The following PAXBP1 variants were observed in gnomAD, a reference collection of about 807,000 sequenced individuals.
The protein encoded by PAXBP1 is PAX3 and PAX7 binding protein 1, also known as PAX3- and PAX7-binding protein 1.
PAXBP1 carries 44 observed loss-of-function variants against 119.9 expected under a neutral mutation model. The observed-to-expected ratio is 0.37, with a 90% CI of 0.29 to 0.47. PAXBP1 has a LOEUF of 0.47. Ranked by LOEUF, PAXBP1 falls within the 20% of genes least tolerant of loss-of-function variation. The pLI is 0.99. For synonymous variants in PAXBP1, 393 were observed against 406.6 expected, an observed-to-expected ratio of 0.97 and a Z score of 0.40; for missense variants, 898 against 1,134.1, an observed-to-expected ratio of 0.79 and a Z score of 2.99.
chr21:32,771,067 C>A (rs1445646758), intron 1 of PAXBP1, among the ~76,000 whole-genome samples: 1 of 152,230 alleles, frequency 6.6e-6, no homozygotes, highest in South Asian at 2.1e-4. Flanking sequence ...CCGAATTTCC[C>A]CTGAAACACT....
At chr21:32,735,518 C>A (rs1411322359) in intron 17 of PAXBP1, among the ~76,000 whole-genome samples, 2 of 152,236 alleles carry the variant, frequency 1.3e-5, no homozygotes, top group Admixed American at 1.3e-4. Flanking sequence ...TTCCACTCCA[C>A]CAAAATTCAC....
intron 1 of PAXBP1, among the ~76,000 whole-genome samples, chr21:32,770,421 T>TA (rs200584549): frequency 9.4e-4 from 142 of 151,276 alleles, no homozygotes; most frequent in East Asian, 4.4e-3. Flanking sequence ...ACTAAATACT[T>TA]AAAAAAAAAT....
chr21:32,757,016 T>G (rs1445307419), intron 7 of PAXBP1, among the ~76,000 whole-genome samples: 1 of 152,104 alleles, frequency 6.6e-6, no homozygotes, highest in Non-Finnish European at 1.5e-5. Flanking sequence ...TCACCAATTA[T>G]TACTATTTTA....
In PAXBP1 at chr21:32,734,853, A is replaced by C; in HGVS notation, c.*97T>G. 1.2e-6 allele frequency: 1 copy of C among 851,678 alleles called. No homozygotes were observed. 52.8% of individuals were successfully genotyped at this position (851,678 alleles called of 1,614,324 possible). A position where few individuals can be genotyped will look rare whatever the true frequency, so the allele number is the denominator to read the frequency against. On this transcript the variant is annotated 3_prime_UTR_variant, in exon 18 of 18. Coordinates refer to ENST00000331923, the MANE Select transcript of PAXBP1 (RefSeq NM_016631.4). ...ATATAATGTTTTTTGTATTAAAACA[A>C]GAATTGCTATTTTACAGTTTAAGAA...
chr21:32,766,899 A>AG (rs1361165057), intron 2 of PAXBP1, among the ~76,000 whole-genome samples: 2 of 152,146 alleles, frequency 1.3e-5, no homozygotes, highest in African/African-American at 4.8e-5. Flanking sequence ...TTCTTGTACT[A>AG]GTTCACACAA....
At position 32,762,241 on chromosome 21, in the gene PAXBP1, A is replaced by G. The variant is rs748917046; in HGVS notation, c.726T>C (p.Thr242=). 59 of 1,614,014 alleles carry G rather than the reference A, an allele frequency of 3.7e-5. No individual in the cohort carries two copies. The highest frequency in any genetic ancestry group is 4.7e-5 in the Non-Finnish European group (55 of 1,180,036). The part of the protein sequence containing the change: ...RQMARELGDF[T]PHDNEPGKGR... ...CTTTACCAGGCTCATTATCATGAGGAGTGAAATCTCCCAATTCTCGGGCCA... is the reference window on the plus strand; with the variant it reads ...CTTTACCAGGCTCATTATCATGAGGGGTGAAATCTCCCAATTCTCGGGCCA... Residue 242 remains threonine, a synonymous_variant, in exon 4 of 18, where the codon ACT becomes ACC. Transcript: ENST00000331923.
chr21:32,750,870 T>C (rs928522841), intron 10 of PAXBP1, 47 bp downstream of exon 10: 7 of 1,403,358 alleles, frequency 5.0e-6, no homozygotes, highest in Non-Finnish European at 7.0e-6. Flanking sequence ...CATACCCAAG[T>C]AGAAACTAAA....
chr21:32,739,937 TTAAAAAA>T (rs370569127), intron 15 of PAXBP1, among the ~76,000 whole-genome samples: 8,840 of 62,606 alleles, frequency 0.14, 483 homozygotes, highest in South Asian at 0.24. Context: ...CCTCGTCTCT[TTAAAAAA>T]AAAAAAAAAA....
In PAXBP1 at chr21:32,739,011, T is replaced by C. The variant is rs549751072; in HGVS notation, c.2335-692A>G. Among the ~76,000 whole-genome samples the C allele has an allele frequency of 1.9e-4, 29 of 152,262 alleles. 1 individual carries two copies. Among genetic ancestry groups the C allele is most frequent in the African/African-American group, 6.7e-4 (28 of 41,556 alleles). On this transcript the variant is annotated intron_variant, in intron 15 of 17. Transcript: ENST00000331923. ...CCATTTCCCTCAGTTCCTGCTGCCA[T>C]CCTCCGAATCTGACCCACCTTAATC...
intron 15 of PAXBP1, 134 bp from the exon 16 acceptor site, chr21:32,738,453 CA>C (rs1379517257): frequency 3.9e-5 from 27 of 688,192 alleles, no homozygotes; most frequent in Non-Finnish European, 5.4e-5. Flanking sequence ...TTAATACTTT[CA>C]AAGGTACAGA....
intron 7 of PAXBP1, among the ~76,000 whole-genome samples, chr21:32,758,644 TAAAAAAAAA>T (rs138934420): frequency 9.6e-6 from 1 of 104,108 alleles, no homozygotes; most frequent in Non-Finnish European, 2.0e-5. Flanking sequence ...TCATCCAGGG[TAAAAAAAAA>T]AAAAAAAAAA....
At chr21:32,735,533 T>TA (rs1225292533) in intron 17 of PAXBP1, among the ~76,000 whole-genome samples, 1 of 152,216 alleles carries the variant, frequency 6.6e-6, no homozygotes, top group African/African-American at 2.4e-5. Context: ...ATTCACTAAA[T>TA]AAAGTATAAT....
In PAXBP1 at chr21:32,771,605, C is replaced by T. The variant is rs933227874; in HGVS notation, c.64G>A (p.Glu22Lys). 6 of 1,467,086 alleles carry T rather than the reference C, an allele frequency of 4.1e-6. No homozygotes were observed. Among genetic ancestry groups the T allele is most frequent in the Admixed American group, 2.5e-5 (1 of 40,500 alleles). The allele number at this position is 1,467,086 out of a possible 1,614,324, so 90.9% of individuals were successfully genotyped here. A position where few individuals can be genotyped will look rare whatever the true frequency, so the allele number is the denominator to read the frequency against. ...GGCGGCTCCTGCTCCTCATCGCGTT[C>T]CCGCTCTTCCTCTTCGGAGTCGTTC... ...KRNDSEEEER[E>K]RDEEQEPPPL... The change falls in exon 1 of 18, where the codon GAA becomes AAA. Residue 22 changes from glutamate (E) to lysine (K), a missense_variant. Glu to Lys is a moderately conservative substitution (Grantham distance 56). This residue lies in a region of PAXBP1 where 299 missense variants were observed against 281.4 expected (regional missense o/e 1.06). Coordinates refer to ENST00000331923, the MANE Select transcript of PAXBP1 (RefSeq NM_016631.4).
chr21:32,758,888 A>G (rs1445417970), intron 7 of PAXBP1, among the ~76,000 whole-genome samples, 192 bp downstream of exon 7: 1 of 152,136 alleles, frequency 6.6e-6, no homozygotes, highest in Non-Finnish European at 1.5e-5. Flanking sequence ...TCTGTTTTCA[A>G]CAAAGGTATT....
chr21:32,745,980 G>A (rs1045254327), intron 11 of PAXBP1, among the ~76,000 whole-genome samples: 1 of 152,118 alleles, frequency 6.6e-6, no homozygotes, highest in African/African-American at 2.4e-5. Context: ...ACAACCATCT[G>A]ATCTCCGACA....
In PAXBP1 at chr21:32,739,628, C is replaced by T. The variant is rs561081038; in HGVS notation, c.2335-1309G>A. On this transcript the variant is annotated intron_variant, in intron 15 of 17. Transcript: ENST00000331923. ...TAATTTATAGACCTGTGGTTACGGC[C>T]GGGCGCGGTGGCTCACACCTGTAAT... Among the ~76,000 whole-genome samples, 14 of 152,138 alleles carry T rather than the reference C, an allele frequency of 9.2e-5. No homozygotes were observed. In the South Asian group the frequency reaches 1.5e-3, roughly 16 times the overall value.
chr21:32,738,480 T>C, intron 15 of PAXBP1, 161 bp from the exon 16 acceptor site: 1 of 629,630 alleles, frequency 1.6e-6, no homozygotes, highest in Non-Finnish European at 2.6e-6. Flanking sequence ...CCTAGAATGG[T>C]TACATTTGAA....
chr21:32,735,862 T>C (rs1172526555), intron 17 of PAXBP1, among the ~76,000 whole-genome samples: 1 of 152,252 alleles, frequency 6.6e-6, no homozygotes, highest in Non-Finnish European at 1.5e-5. Flanking sequence ...TTCTACAGAA[T>C]TGTAGTAAGC....
intron 2 of PAXBP1, among the ~76,000 whole-genome samples, chr21:32,764,824 G>T (rs911027108): frequency 1.1e-4 from 16 of 152,148 alleles, no homozygotes; most frequent in African/African-American, 3.6e-4. Context: ...TTATCAAAAT[G>T]TCAACAATTT....
Sources: gnomAD v4.1 joint callset for allele counts (sites outside exome capture counted in the v4.1 genomes callset) on GRCh38, gnomAD v4.1.1 for gene constraint, gnomAD v4.1.1 regional missense constraint, MANE v1.5 for transcripts, NCBI Gene and HGNC (gene_info 2026-07-23, HGNC 2026-07-21) for gene names.